C14orf132: variants seen among roughly 807,000 people sequenced by gnomAD.
The protein encoded by C14orf132 is chromosome 14 open reading frame 132.
C14orf132 carries 6 observed loss-of-function variants against 5.8 expected under a neutral mutation model. The observed-to-expected ratio is 1.03, with a 90% CI of 0.57 to 2.04. C14orf132 has a LOEUF of 2.04. C14orf132 is among the 30% of genes most tolerant of loss of function. The pLI, the probability that C14orf132 is intolerant of heterozygous loss-of-function variation, is 0.00. For synonymous variants in C14orf132, 51 were observed against 49.8 expected (o/e 1.02, Z -0.10); for missense variants, 125 against 115.8 (o/e 1.08, Z -0.37).
intron 1 of C14orf132, among the ~76,000 whole-genome samples, chr14:96,071,960 A>G (rs1350954873): frequency 3.9e-5 from 6 of 152,234 alleles, no homozygotes; most frequent in Non-Finnish European, 8.8e-5. Context: ...GTGGCCTCAC[A>G]GAGAGGTGAA....
chr14:96,090,728 G>T lies in C14orf132; in HGVS notation c.*3993G>T. 4.4e-6 allele frequency: 2 copies of T among 456,048 alleles called. No individual in the cohort carries two copies. Among genetic ancestry groups the T allele is most frequent in the South Asian group, 3.1e-5 (2 of 64,558 alleles). The allele number at this position is 456,048 out of a possible 1,614,324, so 28.3% of individuals were successfully genotyped here. ...ATGGGAGGAGGGGCAGCAGCATTTC[G>T]CTGGAAAGGCAGCAGATGCTTTTCC... On this transcript the variant is annotated 3_prime_UTR_variant, in exon 2 of 2. Coordinates refer to ENST00000555004, the MANE Select transcript of C14orf132 (RefSeq NM_001252507.3).
rs371381526 is a variant in C14orf132 at position 96,049,653 on chromosome 14, T to TATATATATAG, written c.27+10127_27+10128insTATATATAGA. 4.4e-4 allele frequency among the ~76,000 whole-genome samples: 36 copies of TATATATATAG among 82,280 alleles called. 1 individual carries two copies. Among genetic ancestry groups the TATATATATAG allele is most frequent in the Middle Eastern group, 6.8e-3 (1 of 148 alleles). 54.0% of individuals were successfully genotyped at this position (82,280 alleles called of 152,430 possible). Reference sequence around the variant, plus strand: ...ATACATATATACGTATATATATATATAGAGAGAGAGAGAGAGAGAGTTCTG... The same window carrying TATATATATAG: ...ATACATATATACGTATATATATATATATATATATAGAGAGAGAGAGAGAGAGAGAGTTCTG... On this transcript the variant is annotated intron_variant, in intron 1 of 1. Transcript: ENST00000555004.
chr14:96,086,202 TG>T (rs1888179440), intron 1 of C14orf132, among the ~76,000 whole-genome samples: 1 of 152,088 alleles, frequency 6.6e-6, no homozygotes, highest in Non-Finnish European at 1.5e-5. Context: ...GAGCCTGGCA[TG>T]GGGGGAGGGG....
At chr14:96,085,063 A>T (rs1165822510) in intron 1 of C14orf132, among the ~76,000 whole-genome samples, 3 of 152,162 alleles carry the variant, frequency 2.0e-5, no homozygotes, top group East Asian at 3.9e-4. Context: ...ACAGTCAGAC[A>T]CTCGTGGCAC....
chr14:96,079,078 C>T (rs1456729384), intron 1 of C14orf132, among the ~76,000 whole-genome samples: 4 of 152,176 alleles, frequency 2.6e-5, no homozygotes, highest in African/African-American at 7.2e-5. Context: ...AAAGAGACCC[C>T]ACTCTGGAGA....
intron 1 of C14orf132, among the ~76,000 whole-genome samples, chr14:96,047,592 A>T (rs1304716268): frequency 2.0e-5 from 3 of 152,098 alleles, no homozygotes; most frequent in Non-Finnish European, 4.4e-5. Context: ...ACACAATCTC[A>T]CTGAATCCTT....
chr14:96,057,648 T>A (rs772060136), intron 1 of C14orf132, among the ~76,000 whole-genome samples: 5 of 152,156 alleles, frequency 3.3e-5, no homozygotes, highest in Non-Finnish European at 5.9e-5. Context: ...AGGAGTGATG[T>A]CTTCTGCAAA....
chr14:96,082,972 C>T (rs1639294735), intron 1 of C14orf132, among the ~76,000 whole-genome samples: 1 of 152,208 alleles, frequency 6.6e-6, no homozygotes, highest in African/African-American at 2.4e-5. Context: ...AGCCCCAAGC[C>T]TTTCTGACAC....
rs533660639 is a variant in C14orf132, at chr14:96,090,172, G to T, written c.*3437G>T. 6.3e-6 allele frequency: 1 copy of T among 159,700 alleles called. No homozygotes were observed. The highest frequency in any genetic ancestry group is 1.9e-4 in the South Asian group (1 of 5,278). 9.9% of individuals were successfully genotyped at this position (159,700 alleles called of 1,614,324 possible). A position where few individuals can be genotyped will look rare whatever the true frequency, so the allele number is the denominator to read the frequency against. On this transcript the variant is annotated 3_prime_UTR_variant, in exon 2 of 2. Coordinates refer to ENST00000555004, the MANE Select transcript of C14orf132 (RefSeq NM_001252507.3). ...TCCCGGCACTTTGGGAGGCCGAGGC[G>T]GGCAGGGACAGGAGTTCAAGACCAG...
rs1341159779 is a variant in C14orf132, at chr14:96,088,433, A to G, written c.*1698A>G. Reference sequence around the variant, plus strand: ...AACCTGACCCTTGACAATGAGGGAGAAGGGACATGGACCACCTGTCTGGAA... The same window carrying G: ...AACCTGACCCTTGACAATGAGGGAGGAGGGACATGGACCACCTGTCTGGAA... On this transcript the variant is annotated 3_prime_UTR_variant, in exon 2 of 2. Transcript: ENST00000555004. 6.6e-6 allele frequency: 1 copy of G among 152,208 alleles called. No homozygotes were observed. Among genetic ancestry groups the G allele is most frequent in the Non-Finnish European group, 1.5e-5 (1 of 68,096 alleles). The allele number at this position is 152,208 out of a possible 1,614,324, so 9.4% of individuals were successfully genotyped here.
rs55648129 is a variant in C14orf132 at position 96,069,256 on chromosome 14, CAT to C, written c.28-17206_28-17205del. 9.4e-3 allele frequency among the ~76,000 whole-genome samples: 877 copies of C among 93,488 alleles called. 7 individuals are homozygous for C. Among genetic ancestry groups the C allele is most frequent in the African/African-American group, 0.011 (261 of 23,890 alleles). The allele number at this position is 93,488 out of a possible 152,430, so 61.3% of individuals were successfully genotyped here. A position where few individuals can be genotyped will look rare whatever the true frequency, so the allele number is the denominator to read the frequency against. On this transcript the variant is annotated intron_variant, in intron 1 of 1. Transcript: ENST00000555004. ...ATATGTTATTGGTTCTGTTTATGTT[CAT>C]ATATATATATATATATATATATATA...
rs762992897 is a variant in C14orf132 at position 96,040,347 on chromosome 14, G to A, written c.27+820G>A. On this transcript the variant is annotated intron_variant, in intron 1 of 1. Transcript: ENST00000555004. The stretch of plus-strand genomic sequence containing the variant: ...AGACCCAGAGCTGGCTCCAGGGAAG[G>A]GCTGCGTTTGGCCTGGGAGAGTAAG... The A allele has an allele frequency of 4.2e-4, 169 of 398,484 alleles. 1 individual carries two copies. The highest frequency in any genetic ancestry group is 1.8e-4 in the Admixed American group (4 of 22,718). The allele number at this position is 398,484 out of a possible 1,614,324, so 24.7% of individuals were successfully genotyped here. A position where few individuals can be genotyped will look rare whatever the true frequency, so the allele number is the denominator to read the frequency against.
At chr14:96,078,262 A>AC (rs374773482) in intron 1 of C14orf132, among the ~76,000 whole-genome samples, 73 of 152,368 alleles carry the variant, frequency 4.8e-4, no homozygotes, top group African/African-American at 1.5e-3. Flanking sequence ...AGCAACTGAC[A>AC]CTGCTTTGAG....
chr14:96,066,992 A>G (rs1887551955), intron 1 of C14orf132, among the ~76,000 whole-genome samples: 1 of 152,164 alleles, frequency 6.6e-6, no homozygotes, highest in Non-Finnish European at 1.5e-5. Context: ...GCTCAGGGAA[A>G]TGAACATCCC....
In C14orf132 at chr14:96,092,086, A is replaced by G. The variant is rs1888425697; in HGVS notation, c.*5351A>G. 1 of 152,238 alleles carries G rather than the reference A, an allele frequency of 6.6e-6. No individual in the cohort carries two copies. The highest frequency in any genetic ancestry group is 1.9e-4 in the East Asian group (1 of 5,198). 9.4% of individuals were successfully genotyped at this position (152,238 alleles called of 1,614,324 possible). ...ATGGAAGAGCCAAAAAGTACACAAA[A>G]TGGACGCCATAAATTCTGAAATAAA... On this transcript the variant is annotated 3_prime_UTR_variant, in exon 2 of 2. Transcript: ENST00000555004.
chr14:96,062,687 G>A (rs8007022), intron 1 of C14orf132, among the ~76,000 whole-genome samples: 2,189 of 152,216 alleles, frequency 0.014, 39 homozygotes, highest in South Asian at 0.048. Flanking sequence ...TGTCAGAACC[G>A]CTAGGGAGTG....
chr14:96,085,937 T>G (rs1888167677), intron 1 of C14orf132, among the ~76,000 whole-genome samples: 1 of 151,378 alleles, frequency 6.6e-6, no homozygotes, highest in Admixed American at 6.6e-5. Flanking sequence ...TTTAAATGTG[T>G]TTTCTCTCTG....
In C14orf132 at chr14:96,049,649, T is replaced by TAGAGAGAG. The variant is rs1479426721; in HGVS notation, c.27+10123_27+10124insGAGAGAGA. ...ATATATACATATATACGTATATATATATATAGAGAGAGAGAGAGAGAGAGT... is the reference window on the plus strand; with the variant it reads ...ATATATACATATATACGTATATATATAGAGAGAGATATAGAGAGAGAGAGAGAGAGAGT... On this transcript the variant is annotated intron_variant, in intron 1 of 1. Coordinates refer to ENST00000555004, the MANE Select transcript of C14orf132 (RefSeq NM_001252507.3). Among the ~76,000 whole-genome samples, 4 of 79,630 alleles carry TAGAGAGAG rather than the reference T, an allele frequency of 5.0e-5. 1 individual carries two copies. The South Asian group carries it at 1.7e-3, about 33-fold the overall frequency. 52.2% of individuals were successfully genotyped at this position (79,630 alleles called of 152,430 possible).
intron 1 of C14orf132, among the ~76,000 whole-genome samples, chr14:96,043,571 C>T (rs886725570): frequency 6.6e-6 from 1 of 152,162 alleles, no homozygotes; most frequent in Non-Finnish European, 1.5e-5. Flanking sequence ...AGTCCTGCTG[C>T]CCAGGTCTCA....
Sources: gnomAD v4.1 joint callset for allele counts (sites outside exome capture counted in the v4.1 genomes callset) on GRCh38, gnomAD v4.1.1 for gene constraint, MANE v1.5 for transcripts, NCBI Gene and HGNC (gene_info 2026-07-23, HGNC 2026-07-21) for gene names.